The following FAT3 variants were observed in gnomAD, a reference collection of about 807,000 sequenced individuals.
FAT3 encodes FAT atypical cadherin 3.
A neutral mutation model predicts 310.2 loss-of-function variants in FAT3; 95 were observed. That is an observed-to-expected ratio of 0.31 (90% CI 0.26 to 0.36). The LOEUF (loss-of-function observed/expected upper bound fraction) is 0.36. FAT3 is among the 10% of genes least tolerant of loss of function. The pLI is 1.00. For synonymous variants in FAT3, 2,314 were observed against 2,192.9 expected (o/e 1.06, Z -1.54); for missense variants, 5,408 against 5,715.6 (o/e 0.95, Z 1.74).
chr11:92,893,581 G>C lies in FAT3; in HGVS notation c.*2468G>C, dbSNP rs1028725400. ...ATGCCTGACTGACACAGTAATGAAAGAATAAATAGATCCTAATGCAGTCAT... is the reference window on the plus strand; with the variant it reads ...ATGCCTGACTGACACAGTAATGAAACAATAAATAGATCCTAATGCAGTCAT... On this transcript the variant is annotated 3_prime_UTR_variant, in exon 28 of 28. Transcript: ENST00000525166. 1.3e-5 allele frequency: 2 copies of C among 152,158 alleles called. No homozygotes were observed. The highest frequency in any genetic ancestry group is 2.9e-5 in the Non-Finnish European group (2 of 68,016). 9.4% of individuals were successfully genotyped at this position (152,158 alleles called of 1,614,324 possible).
chr11:92,243,501 G>A (rs116661026), intron 1 of FAT3, among the ~76,000 whole-genome samples: 5 of 151,794 alleles, frequency 3.3e-5, no homozygotes, highest in African/African-American at 9.7e-5. Context: ...TTAGAAACTT[G>A]TCTTTTTCCT....
chr11:92,652,926 G>A (rs1343036533), intron 3 of FAT3, among the ~76,000 whole-genome samples: 1 of 152,186 alleles, frequency 6.6e-6, no homozygotes, highest in East Asian at 1.9e-4. Context: ...AGTTTGGGAA[G>A]CCGAGGCGGG....
At chr11:92,531,443 G>A (rs1181071862) in intron 3 of FAT3, among the ~76,000 whole-genome samples, 4 of 151,990 alleles carry the variant, frequency 2.6e-5, no homozygotes, top group African/African-American at 9.7e-5. Flanking sequence ...GGAGGGCTGG[G>A]TCAGGGTGGG....
At position 92,844,376 on chromosome 11, in the gene FAT3, G is replaced by A. The variant is rs764239176; in HGVS notation, c.11009G>A (p.Arg3670Gln). 7.5e-5 allele frequency: 121 copies of A among 1,613,724 alleles called. No individual in the cohort carries two copies. The highest frequency in any genetic ancestry group is 9.1e-5 in the Non-Finnish European group (107 of 1,179,886). Residue 3670 changes from arginine (R) to glutamine (Q), a missense_variant, in exon 19 of 28, where the codon CGG (arginine) becomes CAG (glutamine). Physicochemically the swap from Arg to Gln is conservative, Grantham distance 43 (BLOSUM62 1). This residue lies in a region of FAT3 where 4,588 missense variants were observed against 4,809.8 expected (regional missense o/e 0.95). Transcript: ENST00000525166. ...DFVGLHMHGF[R>Q]RTLRNAVLTQ... is the part of the protein sequence containing the mutation. ...GTGGGGCTGCACATGCATGGGTTCCGGCGCACCCTGCGGAATGCAGTCCTC... is the reference window on the plus strand; with the variant it reads ...GTGGGGCTGCACATGCATGGGTTCCAGCGCACCCTGCGGAATGCAGTCCTC...
At position 92,882,856 on chromosome 11, in the gene FAT3, G is replaced by C. The variant is rs1049564159; in HGVS notation, c.12400G>C (p.Gly4134Arg). 11 of 1,612,118 alleles carry C rather than the reference G, an allele frequency of 6.8e-6. No individual in the cohort carries two copies. The highest frequency in any genetic ancestry group is 8.5e-6 in the Non-Finnish European group (10 of 1,179,330). ...CTPGYVGQYCGLRPVVVPNIQ... is the reference protein window; with the variant it reads ...CTPGYVGQYCRLRPVVVPNIQ... ...GCCGGGCTACGTGGGCCAGTACTGC[G>C]GGCTGCGCCCCGTGGTGGTACCCAA... Residue 4134 changes from glycine to arginine, a missense_variant, in exon 24 of 28, where the codon GGG becomes CGG. Coordinates refer to ENST00000525166, the MANE Select transcript of FAT3 (RefSeq NM_001367949.2).
chr11:92,717,360 A>C (rs1944722407), intron 4 of FAT3, among the ~76,000 whole-genome samples: 1 of 152,198 alleles, frequency 6.6e-6, no homozygotes, highest in African/African-American at 2.4e-5. Flanking sequence ...GCTTCAGCTA[A>C]AGGGCATATA....
intron 3 of FAT3, among the ~76,000 whole-genome samples, chr11:92,633,264 C>A (rs1363975987): frequency 2.0e-5 from 3 of 152,096 alleles, no homozygotes; most frequent in Non-Finnish European, 2.9e-5. Context: ...ACAGCTTTCA[C>A]AGCCTTGATA....
chr11:92,420,805 A>G (rs1345107382), intron 2 of FAT3, among the ~76,000 whole-genome samples: 2 of 152,160 alleles, frequency 1.3e-5, no homozygotes, highest in Non-Finnish European at 2.9e-5. Context: ...ATTCCCAATT[A>G]TACTATTTTT....
chr11:92,850,182 T>A (rs1219979265), intron 19 of FAT3, among the ~76,000 whole-genome samples: 1 of 152,216 alleles, frequency 6.6e-6, no homozygotes, highest in Non-Finnish European at 1.5e-5. Context: ...TGAGTAACCC[T>A]CAGTGTTGTC....
intron 1 of FAT3, among the ~76,000 whole-genome samples, chr11:92,349,999 A>G (rs779400473): frequency 5.9e-5 from 9 of 151,638 alleles, no homozygotes; most frequent in Non-Finnish European, 8.8e-5. Flanking sequence ...AAAAAAGAAA[A>G]GCCTTGTGGG....
At chr11:92,303,051 A>T (rs1038003073) in intron 1 of FAT3, among the ~76,000 whole-genome samples, 2 of 152,134 alleles carry the variant, frequency 1.3e-5, no homozygotes, top group Admixed American at 1.3e-4. Context: ...TGAATCAAAG[A>T]TGTTTAGCAT....
rs559328795 is a variant in FAT3 at position 92,481,133 on chromosome 11, A to G, written c.3293-43501A>G. Among the ~76,000 whole-genome samples the G allele has an allele frequency of 6.0e-4, 91 of 152,330 alleles. 1 individual carries two copies. The highest frequency in any genetic ancestry group is 9.7e-4 in the Non-Finnish European group (66 of 68,026). ...TGTTAATTCAGTATTTGTCCAATCT[A>G]TGTCTCATATGTGAGTATGCATTGC... On this transcript the variant is annotated intron_variant, in intron 2 of 27. Transcript: ENST00000525166.
chr11:92,345,740 A>T (rs532564482), intron 1 of FAT3, among the ~76,000 whole-genome samples: 4 of 152,182 alleles, frequency 2.6e-5, no homozygotes, highest in Non-Finnish European at 5.9e-5. Context: ...TTCCTAAAGG[A>T]GGCAAGAGCT....
At chr11:92,626,017 A>T (rs1292288153) in intron 3 of FAT3, among the ~76,000 whole-genome samples, 3 of 152,188 alleles carry the variant, frequency 2.0e-5, no homozygotes, top group Non-Finnish European at 4.4e-5. Flanking sequence ...AAAATGCAAG[A>T]GAGTAGCCAG....
chr11:92,865,980 G>A (rs936755902), intron 21 of FAT3, among the ~76,000 whole-genome samples: 2 of 152,186 alleles, frequency 1.3e-5, no homozygotes, highest in African/African-American at 4.8e-5. Context: ...AAACGATCCA[G>A]ATATTCTAAG....
intron 7 of FAT3, among the ~76,000 whole-genome samples, chr11:92,788,480 T>C (rs1300563810): frequency 6.6e-6 from 1 of 152,138 alleles, no homozygotes; most frequent in Non-Finnish European, 1.5e-5. Context: ...AGTTGAGAAG[T>C]TTCTTTTTAG....
At chr11:92,876,964 T>A (rs1419798379) in intron 22 of FAT3, among the ~76,000 whole-genome samples, 1 of 152,204 alleles carries the variant, frequency 6.6e-6, no homozygotes, top group Non-Finnish European at 1.5e-5. Context: ...CAAAAGGTCT[T>A]AGATATGGGG....
chr11:92,372,818 G>A (rs898558006), intron 2 of FAT3, among the ~76,000 whole-genome samples: 3 of 151,868 alleles, frequency 2.0e-5, no homozygotes, highest in Non-Finnish European at 2.9e-5. Context: ...CTGCCACCAC[G>A]CCCGGCTAAT....
At chr11:92,367,981 A>C (rs1949072095) in intron 2 of FAT3, among the ~76,000 whole-genome samples, 1 of 152,258 alleles carries the variant, frequency 6.6e-6, no homozygotes, top group Admixed American at 6.5e-5. Context: ...AGAAGAACAA[A>C]ATTGTGTTTG....
Sources: gnomAD v4.1 joint callset for allele counts (sites outside exome capture counted in the v4.1 genomes callset) on GRCh38, gnomAD v4.1.1 for gene constraint, gnomAD v4.1.1 regional missense constraint, MANE v1.5 for transcripts, NCBI Gene and HGNC (gene_info 2026-07-23, HGNC 2026-07-21) for gene names.